Variants in TMEM117 observed in about 807,000 individuals in gnomAD.
The protein encoded by TMEM117 is transmembrane protein 117.
Under a neutral mutation model 52.4 loss-of-function variants are expected in TMEM117, and 27 were observed. The ratio of observed to expected loss-of-function variants is 0.51; its 90% CI spans 0.38 to 0.71. The LOEUF (loss-of-function observed/expected upper bound fraction) is 0.71. TMEM117 is among the 30% of genes least tolerant of loss of function. The pLI, the probability that TMEM117 is intolerant of heterozygous loss-of-function variation, is 0.00. For missense variants in TMEM117, 556 were observed against 630.5 expected (o/e 0.88, Z 1.26); for synonymous variants, 215 against 206.3 (o/e 1.04, Z -0.36).
intron 3 of TMEM117, among the ~76,000 whole-genome samples, chr12:43,949,999 T>C (rs1461168916): frequency 6.6e-6 from 1 of 152,242 alleles, no homozygotes; most frequent in Admixed American, 6.5e-5. Flanking sequence ...TGTTTTATTA[T>C]GTAGAGCAAT....
intron 2 of TMEM117, among the ~76,000 whole-genome samples, chr12:43,926,508 AC>A (rs1944781032): frequency 6.6e-6 from 1 of 152,186 alleles, no homozygotes; most frequent in African/African-American, 2.4e-5. Flanking sequence ...ATAAATATCT[AC>A]CCTTTTAAAT....
intron 4 of TMEM117, among the ~76,000 whole-genome samples, chr12:44,202,749 T>C (rs1406431831): frequency 6.6e-6 from 1 of 151,978 alleles, no homozygotes; most frequent in African/African-American, 2.4e-5. Context: ...TGATAGAATT[T>C]GGCTGTGAAT....
intron 2 of TMEM117, among the ~76,000 whole-genome samples, chr12:43,917,117 G>A (rs905622154): frequency 1.3e-5 from 2 of 148,222 alleles, no homozygotes; most frequent in Admixed American, 6.9e-5. Context: ...CTATGGCTGG[G>A]CAGAGTGGCT....
At chr12:43,821,258 T>C in the TMEM117 span, among the ~76,000 whole-genome samples, 2 of 152,200 alleles carry the variant, frequency 1.3e-5, no homozygotes, top group African/African-American at 4.8e-5. Context: ...TGAAGAAATC[T>C]TCTGCCTTAG....
chr12:43,806,117 C>A, the TMEM117 span: 4 of 1,524,452 alleles, frequency 2.6e-6, no homozygotes, highest in Non-Finnish European at 2.6e-6. Context: ...GACCGACTTC[C>A]GGAGCTCCCG....
chr12:44,142,697 A>G (rs1166128999), intron 3 of TMEM117, among the ~76,000 whole-genome samples: 1 of 152,178 alleles, frequency 6.6e-6, no homozygotes, highest in Non-Finnish European at 1.5e-5. Context: ...CTTAAGAGTA[A>G]AATAAAAACT....
intron 6 of TMEM117, among the ~76,000 whole-genome samples, chr12:44,318,681 C>T (rs903185200): frequency 5.9e-5 from 9 of 152,052 alleles, no homozygotes; most frequent in Non-Finnish European, 8.8e-5. Context: ...AGAGAGGACC[C>T]CACTGCATCC....
At chr12:43,934,383 T>C (rs772934862) in intron 2 of TMEM117, among the ~76,000 whole-genome samples, 4 of 152,154 alleles carry the variant, frequency 2.6e-5, no homozygotes, top group African/African-American at 7.2e-5. Context: ...CAAATAGTAA[T>C]AGTAAAATAT....
At chr12:43,984,975 G>T (rs61933010) in intron 3 of TMEM117, among the ~76,000 whole-genome samples, 2,007 of 152,072 alleles carry the variant, frequency 0.013, 21 homozygotes, top group South Asian at 0.035. Flanking sequence ...GTTCCTGTGT[G>T]ATGGCTTTAT....
At chr12:43,932,912 G>C (rs187294138) in intron 2 of TMEM117, among the ~76,000 whole-genome samples, 34 of 152,320 alleles carry the variant, frequency 2.2e-4, no homozygotes, top group Admixed American at 7.2e-4. Flanking sequence ...GAGAGTCAGA[G>C]AGATCTGAAT....
chr12:44,260,818 G>A (rs1950311958), intron 5 of TMEM117, among the ~76,000 whole-genome samples: 1 of 152,204 alleles, frequency 6.6e-6, no homozygotes, highest in Non-Finnish European at 1.5e-5. Flanking sequence ...TCCTGGCAGT[G>A]AGAGGAGAGG....
At chr12:43,820,635 C>A in the TMEM117 span, among the ~76,000 whole-genome samples, 1 of 150,012 alleles carries the variant, frequency 6.7e-6, no homozygotes, top group Non-Finnish European at 1.5e-5. Context: ...AAATATGTAG[C>A]AAGCATTGTT....
intron 4 of TMEM117, among the ~76,000 whole-genome samples, chr12:44,163,549 T>C (rs1309735988): frequency 6.6e-6 from 1 of 152,226 alleles, no homozygotes; most frequent in Non-Finnish European, 1.5e-5. Flanking sequence ...AATAGGTAAG[T>C]GTGTGACACT....
chr12:43,890,471 C>A (rs188420302), intron 2 of TMEM117, among the ~76,000 whole-genome samples: 26 of 151,878 alleles, frequency 1.7e-4, no homozygotes, highest in Admixed American at 7.9e-4. Flanking sequence ...CTTTCTTTTT[C>A]ATCAGATTTT....
At chr12:44,062,698 T>C (rs1947158295) in intron 3 of TMEM117, among the ~76,000 whole-genome samples, 1 of 152,196 alleles carries the variant, frequency 6.6e-6, no homozygotes, top group Admixed American at 6.5e-5. Flanking sequence ...CCACAGTGGA[T>C]TGGAATACGG....
intron 4 of TMEM117, among the ~76,000 whole-genome samples, chr12:44,201,985 G>C (rs1350994716): frequency 6.6e-6 from 1 of 151,722 alleles, no homozygotes; most frequent in African/African-American, 2.4e-5. Flanking sequence ...TATATCATGT[G>C]ATATCTTTAT....
At chr12:43,810,427 C>A in the TMEM117 span, among the ~76,000 whole-genome samples, 1 of 152,142 alleles carries the variant, frequency 6.6e-6, no homozygotes, top group Non-Finnish European at 1.5e-5. Context: ...CATACTGAGT[C>A]CACAAACGGG....
chr12:44,159,348 A>G (rs1340488507), intron 4 of TMEM117, among the ~76,000 whole-genome samples: 1 of 152,114 alleles, frequency 6.6e-6, no homozygotes, highest in Non-Finnish European at 1.5e-5. Context: ...CTGTTTACCT[A>G]CAGGGAAAAC....
At chr12:44,268,994 G>A (rs936500655) in intron 5 of TMEM117, among the ~76,000 whole-genome samples, 2 of 151,892 alleles carry the variant, frequency 1.3e-5, no homozygotes, top group South Asian at 2.1e-4. Context: ...TAATATAGTC[G>A]ATTATCCATT....
Sources: gnomAD v4.1 joint callset for allele counts (sites outside exome capture counted in the v4.1 genomes callset) on GRCh38, gnomAD v4.1.1 for gene constraint, MANE v1.5 for transcripts, NCBI Gene and HGNC (gene_info 2026-07-23, HGNC 2026-07-21) for gene names.